Variants in PDPR observed in about 807,000 individuals in gnomAD.
PDPR encodes the protein pyruvate dehydrogenase phosphatase regulatory subunit, also known as pyruvate dehydrogenase phosphatase regulatory subunit, mitochondrial.
PDPR carries 50 observed loss-of-function variants against 102.2 expected under a neutral mutation model. The ratio of observed to expected loss-of-function variants is 0.49; its 90% confidence interval spans 0.39 to 0.62. The LOEUF is 0.62. Ranked by LOEUF, PDPR falls within the 20% of genes least tolerant of loss-of-function variation. The pLI is 0.00. For missense variants in PDPR, 625 were observed against 1,098.2 expected, an observed-to-expected ratio of 0.57 and a Z score of 6.09; for synonymous variants, 259 against 406.0, an observed-to-expected ratio of 0.64 and a Z score of 4.35.
Position 70,136,405 on chromosome 16 carries a change from A to G in PDPR, c.1190+19A>G, listed in dbSNP as rs779358916. 6.4e-7 allele frequency: 1 copy of G among 1,560,280 alleles called. No homozygotes were observed. Among genetic ancestry groups the G allele is most frequent in the African/African-American group, 1.4e-5 (1 of 73,616 alleles). On this transcript the variant is annotated intron_variant, in intron 10 of 18. Transcript: ENST00000288050. ...CCGGAAAGTAAGTCTTTCTCACTCA[A>G]AGTCAGCTGTGAACATAAGTCAACT...
intron 18 of PDPR, among the ~76,000 whole-genome samples, chr16:70,156,027 C>T (rs1346132405): frequency 4.6e-5 from 7 of 152,170 alleles, no homozygotes; most frequent in Non-Finnish European, 8.8e-5. Context: ...GTAGCTAGAA[C>T]TATAGGCACA....
At chr16:70,116,949 C>G (rs1018447798) in intron 2 of PDPR, among the ~76,000 whole-genome samples, 14 of 151,806 alleles carry the variant, frequency 9.2e-5, no homozygotes, top group Admixed American at 7.2e-4. Flanking sequence ...ATGGTTCAGT[C>G]CTCACAGCTG....
chr16:70,144,708 G>A (rs1966070497), intron 15 of PDPR, among the ~76,000 whole-genome samples, 175 bp downstream of exon 15: 2 of 152,282 alleles, frequency 1.3e-5, no homozygotes, highest in South Asian at 4.1e-4. Flanking sequence ...TGTAATCCCA[G>A]CACTTTTGGA....
At position 70,159,437 on chromosome 16, in the gene PDPR, ATCT is replaced by A. The variant is rs377341253; in HGVS notation, c.*2562_*2564del. On this transcript the variant is annotated 3_prime_UTR_variant, in exon 19 of 19. Coordinates refer to ENST00000288050, the MANE Select transcript of PDPR (RefSeq NM_017990.5). ...TACTCCTAAGACTGATGGGGTGTTG[ATCT>A]TCTAGGACATCACTTGTTTATTCAG... 203 of 152,638 alleles carry A rather than the reference ATCT, an allele frequency of 1.3e-3. No individual in the cohort carries two copies. The highest frequency in any genetic ancestry group is 4.4e-3 in the African/African-American group (182 of 41,542). 9.5% of individuals were successfully genotyped at this position (152,638 alleles called of 1,614,324 possible). A position where few individuals can be genotyped will look rare whatever the true frequency, so the allele number is the denominator to read the frequency against.
intron 17 of PDPR, among the ~76,000 whole-genome samples, chr16:70,150,807 G>A (rs1048889702): frequency 5.9e-5 from 9 of 152,260 alleles, no homozygotes; most frequent in East Asian, 1.9e-4. Context: ...CCACTACCCC[G>A]ACCTTATTTA....
intron 15 of PDPR, among the ~76,000 whole-genome samples, chr16:70,145,168 G>C (rs1391236905): frequency 6.6e-6 from 1 of 152,076 alleles, no homozygotes; most frequent in Non-Finnish European, 1.5e-5. Flanking sequence ...CAGGAGAATC[G>C]CTTGAATCTG....
intron 18 of PDPR, among the ~76,000 whole-genome samples, chr16:70,154,187 G>A (rs1435453526): frequency 6.6e-6 from 1 of 152,186 alleles, no homozygotes; most frequent in African/African-American, 2.4e-5. Context: ...AAGTAGCTGG[G>A]CGTGGTGGCC....
intron 3 of PDPR, among the ~76,000 whole-genome samples, chr16:70,125,027 T>C (rs1427757653): frequency 6.6e-6 from 1 of 152,200 alleles, no homozygotes; most frequent in Non-Finnish European, 1.5e-5. Flanking sequence ...TTTTTTTCAA[T>C]GTAAAGTTTA....
Position 70,153,423 on chromosome 16 carries a change from T to C in PDPR, c.2085T>C (p.Ser695=). The part of the protein sequence containing the change: ...YALHVYNEVM[S]VGQKYGIRNA... The stretch of plus-strand genomic sequence containing the variant: ...TGCATGTATACAATGAAGTGATGAG[T>C]GTTGGCCAGAAATACGGAATCCGGA... Residue 695 remains serine (S), a synonymous_variant, in exon 18 of 19, where the codon AGT becomes AGC. Transcript: ENST00000288050. 1 of 1,613,938 alleles carries C rather than the reference T, an allele frequency of 6.2e-7. No homozygotes were observed. The highest frequency in any genetic ancestry group is 1.1e-5 in the South Asian group (1 of 91,050).
intron 2 of PDPR, among the ~76,000 whole-genome samples, chr16:70,116,764 A>C (rs1041508816): frequency 6.6e-6 from 1 of 151,982 alleles, no homozygotes; most frequent in Non-Finnish European, 1.5e-5. Flanking sequence ...CTGGTCTCCA[A>C]CTTCCGACCT....
intron 9 of PDPR, among the ~76,000 whole-genome samples, chr16:70,135,071 A>G (rs1964975808): frequency 1.3e-5 from 2 of 152,314 alleles, no homozygotes; most frequent in South Asian, 4.1e-4. Flanking sequence ...TGTCTACTAA[A>G]CAAACCTGGC....
intron 9 of PDPR, among the ~76,000 whole-genome samples, chr16:70,134,785 CAA>C (rs373669213): frequency 7.3e-6 from 1 of 137,094 alleles, no homozygotes; most frequent in Non-Finnish European, 1.6e-5. Context: ...GACTCCATCT[CAA>C]AAAAAAAAAA....
chr16:70,149,013 G>C (rs1043133030), intron 17 of PDPR, among the ~76,000 whole-genome samples: 25 of 151,304 alleles, frequency 1.7e-4, no homozygotes, highest in African/African-American at 6.1e-4. Flanking sequence ...TCCCACCTCC[G>C]CCTCCCGAGT....
At chr16:70,118,523 A>G (rs1183031926) in intron 2 of PDPR, among the ~76,000 whole-genome samples, 2 of 152,254 alleles carry the variant, frequency 1.3e-5, no homozygotes, top group African/African-American at 2.4e-5. Flanking sequence ...AGTGAGGTCA[A>G]TGGGACGGGG....
Position 70,138,954 on chromosome 16 carries a change from G to A in PDPR, c.1246G>A (p.Asp416Asn). ...TCCCTCAGAAAACGTTTGGGAATTGGACCTGAAACGTTTTGGAGCCCTCCA... is the reference window on the plus strand; with the variant it reads ...TCCCTCAGAAAACGTTTGGGAATTGAACCTGAAACGTTTTGGAGCCCTCCA... ...GYPSENVWEL[D>N]LKRFGALQSS... Residue 416 changes from aspartate (D) to asparagine (N), a missense_variant, in exon 11 of 19, where the codon GAC becomes AAC. This residue lies in a region of PDPR where 10 missense variants were observed against 80.4 expected (regional missense o/e 0.12). Coordinates refer to ENST00000288050, the MANE Select transcript of PDPR (RefSeq NM_017990.5). 1 of 1,613,152 alleles carries A rather than the reference G, an allele frequency of 6.2e-7. No individual in the cohort carries two copies. Among genetic ancestry groups the A allele is most frequent in the South Asian group, 1.1e-5 (1 of 90,860 alleles).
Position 70,157,240 on chromosome 16 carries a change from G to T in PDPR, c.*361G>T. On this transcript the variant is annotated 3_prime_UTR_variant, in exon 19 of 19. Coordinates refer to ENST00000288050, the MANE Select transcript of PDPR (RefSeq NM_017990.5). ...ATCTCAAGGCAGGGCAAGCCGGGGTGGTGCAGGTCTCAGGGCACGAGTCCC... is the reference window on the plus strand; with the variant it reads ...ATCTCAAGGCAGGGCAAGCCGGGGTTGTGCAGGTCTCAGGGCACGAGTCCC... 1.9e-6 allele frequency: 1 copy of T among 520,386 alleles called. No individual in the cohort carries two copies. Among genetic ancestry groups the T allele is most frequent in the Non-Finnish European group, 3.7e-6 (1 of 270,714 alleles). 32.2% of individuals were successfully genotyped at this position (520,386 alleles called of 1,614,324 possible).
chr16:70,125,056 A>G (rs1435961418), intron 3 of PDPR, among the ~76,000 whole-genome samples: 74 of 152,192 alleles, frequency 4.9e-4, no homozygotes, highest in African/African-American at 1.6e-3. Context: ...TGAATAGGCA[A>G]TGTATTTATA....
chr16:70,143,795 G>A (rs1165141971), intron 14 of PDPR, 137 bp downstream of exon 14: 2 of 1,061,492 alleles, frequency 1.9e-6, no homozygotes, highest in South Asian at 3.5e-5. Flanking sequence ...ATCAAAGCCA[G>A]TTTATTAGCA....
chr16:70,149,914 C>G (rs1191859344), intron 17 of PDPR, among the ~76,000 whole-genome samples: 2 of 152,208 alleles, frequency 1.3e-5, no homozygotes, highest in African/African-American at 4.8e-5. Flanking sequence ...CCTCAGCCTC[C>G]TGAGTAGCTG....
Sources: gnomAD v4.1 joint callset for allele counts (sites outside exome capture counted in the v4.1 genomes callset) on GRCh38, gnomAD v4.1.1 for gene constraint, gnomAD v4.1.1 regional missense constraint, MANE v1.5 for transcripts, NCBI Gene and HGNC (gene_info 2026-07-23, HGNC 2026-07-21) for gene names.